The following FARP1 variants were observed in gnomAD, a reference collection of about 807,000 sequenced individuals.
FARP1 encodes the protein FERM, ARH/RhoGEF and pleckstrin domain protein 1.
FARP1 carries 52 observed loss-of-function variants against 128.8 expected under a neutral mutation model. The observed-to-expected ratio is 0.40, with a 90% confidence interval of 0.32 to 0.51. The LOEUF is 0.51. Ranked by LOEUF, FARP1 falls within the 20% of genes least tolerant of loss-of-function variation. The pLI is 0.45. For synonymous variants in FARP1, 580 were observed against 551.8 expected (o/e 1.05, Z -0.72); for missense variants, 1,333 against 1,367.9 (o/e 0.97, Z 0.40).
chr13:98,173,182 C>T (rs1594228435), intron 1 of FARP1, among the ~76,000 whole-genome samples: 1 of 152,152 alleles, frequency 6.6e-6, no homozygotes, highest in Non-Finnish European at 1.5e-5. Flanking sequence ...TTATACATAG[C>T]TCTCAGCCAG....
intron 2 of FARP1, among the ~76,000 whole-genome samples, chr13:98,226,281 C>A (rs1881760404): frequency 6.6e-6 from 1 of 152,212 alleles, no homozygotes; most frequent in African/African-American, 2.4e-5. Flanking sequence ...TTTATAGATA[C>A]ATTGCCTCTG....
At chr13:98,191,383 G>A (rs1397116387) in intron 1 of FARP1, among the ~76,000 whole-genome samples, 2 of 152,292 alleles carry the variant, frequency 1.3e-5, no homozygotes, top group East Asian at 3.9e-4. Flanking sequence ...TCATAGTGTT[G>A]TTAAGCTTCA....
chr13:98,168,818 G>A (rs1161611728), intron 1 of FARP1, among the ~76,000 whole-genome samples: 3 of 152,196 alleles, frequency 2.0e-5, no homozygotes, highest in Non-Finnish European at 4.4e-5. Context: ...CTGAGAGGCT[G>A]TTTAAGAAGT....
rs34253287 is a variant in FARP1 at position 98,177,012 on chromosome 13, C to T, written c.-24+33520C>T. 4.5e-5 allele frequency: 72 copies of T among 1,596,636 alleles called. 1 individual carries two copies. The highest frequency in any genetic ancestry group is 8.0e-5 in the African/African-American group (6 of 74,804). On this transcript the variant is annotated intron_variant, in intron 1 of 26. Transcript: ENST00000319562. ...CCTCGCCCCTCCTGTCGCCGTGAGC[C>T]GCCTTCTGCCAGCTGTGGAGGCCCC...
At chr13:98,306,689 T>G (rs1456450193) in intron 2 of FARP1, among the ~76,000 whole-genome samples, 2 of 62,968 alleles carry the variant, frequency 3.2e-5, no homozygotes, top group Non-Finnish European at 7.3e-5. Flanking sequence ...TAACTTTTTT[T>G]TTTATTTCAT....
At chr13:98,210,823 ACAGGCGTGAGCCAC>A (rs1360479612) in intron 1 of FARP1, among the ~76,000 whole-genome samples, 1 of 152,170 alleles carries the variant, frequency 6.6e-6, no homozygotes, top group African/African-American at 2.4e-5. Context: ...TACTGGGATT[ACAGGCGTGAGCCAC>A]CGCACCCAGC....
chr13:98,371,302 T>C (rs1889318418), intron 5 of FARP1, among the ~76,000 whole-genome samples: 2 of 151,458 alleles, frequency 1.3e-5, no homozygotes, highest in Admixed American at 1.3e-4. Context: ...TCTAGAGGTT[T>C]GCAGTTGGCT....
intron 2 of FARP1, among the ~76,000 whole-genome samples, chr13:98,275,036 G>T (rs1453827296): frequency 6.6e-6 from 1 of 152,172 alleles, no homozygotes; most frequent in East Asian, 1.9e-4. Flanking sequence ...CCATCCTTGA[G>T]TGAGTCAGTG....
At chr13:98,256,868 G>GTT (rs61649881) in intron 2 of FARP1, among the ~76,000 whole-genome samples, 6 of 113,090 alleles carry the variant, frequency 5.3e-5, no homozygotes, top group South Asian at 3.2e-4. Flanking sequence ...CCTTACTACA[G>GTT]TTTTTTTTTT....
At chr13:98,424,464 T>C in intron 16 of FARP1, 108 bp from the exon 17 acceptor site, 2 of 740,884 alleles carry the variant, frequency 2.7e-6, no homozygotes, top group Non-Finnish European at 2.5e-6. Flanking sequence ...TCAGGAGATG[T>C]CCGGGGAGGG....
chr13:98,239,370 G>A (rs537314894), intron 2 of FARP1, among the ~76,000 whole-genome samples: 10 of 152,306 alleles, frequency 6.6e-5, no homozygotes, highest in African/African-American at 2.4e-4. Flanking sequence ...CCCCTTTATT[G>A]CGTGCTTGCA....
At chr13:98,402,533 A>G (rs1251409679) in intron 13 of FARP1, 2 of 152,148 alleles carry the variant, frequency 1.3e-5, no homozygotes, top group African/African-American at 4.8e-5. Context: ...GGCTCTTGAA[A>G]CCAAGCTAAC....
intron 2 of FARP1, among the ~76,000 whole-genome samples, chr13:98,222,691 C>T (rs139026008): frequency 9.0e-4 from 136 of 151,706 alleles, no homozygotes; most frequent in African/African-American, 3.1e-3. Context: ...GAATGATCTC[C>T]GCTCACTGCA....
chr13:98,149,399 A>G (rs1875811908), intron 1 of FARP1, among the ~76,000 whole-genome samples: 1 of 142,022 alleles, frequency 7.0e-6, no homozygotes, highest in African/African-American at 2.7e-5. Flanking sequence ...GCTATCATGA[A>G]TACAGCTGCT....
chr13:98,307,067 A>G (rs776584362), intron 2 of FARP1, among the ~76,000 whole-genome samples: 18 of 152,196 alleles, frequency 1.2e-4, no homozygotes, highest in Middle Eastern at 3.2e-3. Flanking sequence ...GGAGGGCTCA[A>G]TGTACAAATG....
chr13:98,385,145 C>T (rs1890047558), intron 7 of FARP1, among the ~76,000 whole-genome samples: 1 of 152,166 alleles, frequency 6.6e-6, no homozygotes. Flanking sequence ...GACGTGGTCA[C>T]CTAGGGACAA....
At chr13:98,328,945 G>A (rs565921073) in intron 2 of FARP1, 1 of 152,134 alleles carries the variant, frequency 6.6e-6, no homozygotes, top group Non-Finnish European at 1.5e-5. Flanking sequence ...TAAAATTGAC[G>A]AAGGGTAACT....
At chr13:98,246,087 CTTTTTTTTTTTTTTTT>C in intron 2 of FARP1, among the ~76,000 whole-genome samples, 1 of 36,910 alleles carries the variant, frequency 2.7e-5, no homozygotes. Flanking sequence ...GAGATAAATT[CTTTTTTTTTTTTTTTT>C]TTTTTTTTTT....
At chr13:98,302,729 G>C (rs1885974254) in intron 2 of FARP1, among the ~76,000 whole-genome samples, 1 of 152,234 alleles carries the variant, frequency 6.6e-6, no homozygotes, top group South Asian at 2.1e-4. Flanking sequence ...TCCTTGCTGA[G>C]AGATTGAGGT....
Sources: allele counts gnomAD v4.1 joint callset (sites outside exome capture counted in the v4.1 genomes callset), GRCh38; gene constraint gnomAD v4.1.1; transcripts MANE v1.5; gene names NCBI Gene and HGNC (gene_info 2026-07-23, HGNC 2026-07-21).